Variants in USP17L2 observed in about 807,000 individuals in gnomAD.
USP17L2 encodes the protein ubiquitin specific peptidase 17 like family member 2.
In USP17L2, 29 loss-of-function variants were observed where a neutral mutation model predicts 39.8. The ratio of observed to expected loss-of-function variants is 0.73; its 90% confidence interval spans 0.54 to 0.99. USP17L2 has a LOEUF of 0.99. USP17L2 is among the 50% of genes least tolerant of loss of function. USP17L2 has a pLI of 0.00. For synonymous variants in USP17L2, 231 were observed against 252.7 expected, an observed-to-expected ratio of 0.91 and a Z score of 0.81; for missense variants, 567 against 647.2, an observed-to-expected ratio of 0.88 and a Z score of 1.35.
rs1445727855 is a variant in USP17L2 at position 12,137,763 on chromosome 8, C to T, written c.998G>A (p.Gly333Glu). The T allele has an allele frequency of 6.6e-7, 1 of 1,506,232 alleles. No individual in the cohort carries two copies. The highest frequency in any genetic ancestry group is 1.8e-5 in the Admixed American group (1 of 55,658). 93.3% of individuals were successfully genotyped at this position (1,506,232 alleles called of 1,614,324 possible). A position where few individuals can be genotyped will look rare whatever the true frequency, so the allele number is the denominator to read the frequency against. Residue 333 changes from glycine to glutamate, a missense_variant, in exon 1 of 1, where the codon GGA becomes GAA. Transcript: ENST00000333796. The stretch of plus-strand genomic sequence containing the variant: ...AGCTTTGACATAAGAGAAGTAATGT[C>T]CGTCGTGACAACTCCACCCAGCGTG... ...LVHAGWSCHD[G>E]HYFSYVKAQE...
chr8:12,137,240 A>G lies in USP17L2; in HGVS notation c.1521T>C (p.Ser507=), dbSNP rs202147143. Residue 507 remains serine (S), a synonymous_variant, in exon 1 of 1, where the codon TCT becomes TCC. Coordinates refer to ENST00000333796, the MANE Select transcript of USP17L2 (RefSeq NM_201402.3). ...QESVNTGTLA[S]LQGRTRRSKG... ...TGGATCTCCTGGTCCTCCCTTGCAG[A>G]GAAGCGAGGGTGCCAGTGTTCACGG... The G allele has an allele frequency of 6.5e-7, 1 of 1,530,118 alleles. No homozygotes were observed. The highest frequency in any genetic ancestry group is 8.8e-7 in the Non-Finnish European group (1 of 1,134,744). 94.8% of individuals were successfully genotyped at this position (1,530,118 alleles called of 1,614,324 possible).
Position 12,137,368 on chromosome 8 carries a change from C to T in USP17L2, c.1393G>A (p.Val465Met). The T allele has an allele frequency of 1.3e-6, 2 of 1,531,814 alleles. No individual in the cohort carries two copies. The highest frequency in any genetic ancestry group is 1.8e-6 in the Non-Finnish European group (2 of 1,135,324). 94.9% of individuals were successfully genotyped at this position (1,531,814 alleles called of 1,614,324 possible). ...CACTTGTATTTCGATTGATGAATCA[C>T]AAGTACGTTGGGAGGCAGGGTACCT... ...VEGTLPPNVL[V>M]IHQSKYKCGM... Residue 465 changes from valine (V) to methionine (M), a missense_variant, in exon 1 of 1, where the codon GTG (valine) becomes ATG (methionine). Physicochemically the swap from Val to Met is conservative, Grantham distance 21. Around this residue, in one of 6 missense-constraint regions of USP17L2, gnomAD observed 304 missense variants for 254.7 expected, o/e 1.19. Coordinates refer to ENST00000333796, the MANE Select transcript of USP17L2 (RefSeq NM_201402.3).
Position 12,136,515 on chromosome 8 carries a change from C to T in USP17L2, c.*653G>A, listed in dbSNP as rs577576866. ...AGTGGGAAAATTTTCCATTTCGACT[C>T]ATTGGAATTGGACATCGTGAAACAG... On this transcript the variant is annotated 3_prime_UTR_variant, in exon 1 of 1. Coordinates refer to ENST00000333796, the MANE Select transcript of USP17L2 (RefSeq NM_201402.3). Among the ~76,000 whole-genome samples the T allele has an allele frequency of 1.4e-5, 2 of 140,550 alleles. No homozygotes were observed. Among genetic ancestry groups the T allele is most frequent in the East Asian group, 2.3e-4 (1 of 4,294 alleles). 92.2% of individuals were successfully genotyped at this position (140,550 alleles called of 152,430 possible).
In USP17L2 at chr8:12,137,747, A is replaced by G. The variant is rs574299353; in HGVS notation, c.1014T>C (p.Tyr338=). The G allele has an allele frequency of 1.3e-6, 2 of 1,520,432 alleles. No individual in the cohort carries two copies. The highest frequency in any genetic ancestry group is 3.0e-5 in the African/African-American group (2 of 67,482). 94.2% of individuals were successfully genotyped at this position (1,520,432 alleles called of 1,614,324 possible). ...ACCACTGGCCTTCTTGAGCTTTGACATAAGAGAAGTAATGTCCGTCGTGAC... is the reference window on the plus strand; with the variant it reads ...ACCACTGGCCTTCTTGAGCTTTGACGTAAGAGAAGTAATGTCCGTCGTGAC... ...WSCHDGHYFS[Y]VKAQEGQWYK... Residue 338 remains tyrosine (Y), a synonymous_variant, in exon 1 of 1, where the codon TAT becomes TAC. Transcript: ENST00000333796.
At position 12,138,775 on chromosome 8, in the gene USP17L2, G is replaced by C. The variant is rs754065570; in HGVS notation, c.-15C>G. ...TCGTCCTCCATGTCGCCCGCAACAA[G>C]GATCACAAGGTTTTTCTGCTGGGAC... On this transcript the variant is annotated 5_prime_UTR_variant, in exon 1 of 1. Coordinates refer to ENST00000333796, the MANE Select transcript of USP17L2 (RefSeq NM_201402.3). The C allele has an allele frequency of 1.2e-4, 142 of 1,187,844 alleles. 25 individuals carry two copies. The South Asian group carries it at 1.8e-3, about 15-fold the overall frequency. The allele number at this position is 1,187,844 out of a possible 1,614,324, so 73.6% of individuals were successfully genotyped here. A position where few individuals can be genotyped will look rare whatever the true frequency, so the allele number is the denominator to read the frequency against.
rs200589902 is a variant in USP17L2, at chr8:12,137,494, G to A, written c.1267C>T (p.Arg423Cys). The change falls in exon 1 of 1, where the codon CGC becomes TGC. Residue 423 changes from arginine to cysteine, a missense_variant. Arg to Cys is a radical substitution (Grantham distance 180). Around this residue, in one of 6 missense-constraint regions of USP17L2, gnomAD observed 304 missense variants for 254.7 expected, o/e 1.19. Coordinates refer to ENST00000333796, the MANE Select transcript of USP17L2 (RefSeq NM_201402.3). The part of the protein sequence containing the change: ...PCLQAPELDE[R>C]LVERATQEST... ...TCCTGAGTGGCTCTTTCCACCAAGC[G>A]CTCGTCCAACTCGGGTGCCTGGAGG... 274 of 1,532,516 alleles carry A rather than the reference G, an allele frequency of 1.8e-4. 32 individuals are homozygous for A. The highest frequency in any genetic ancestry group is 5.2e-4 in the East Asian group (20 of 38,426). 94.9% of individuals were successfully genotyped at this position (1,532,516 alleles called of 1,614,324 possible).
At chr8:12,137,704 T>A in the USP17L2 span, 3 of 1,533,384 alleles carry the variant, frequency 2.0e-6, no homozygotes, top group Non-Finnish European at 2.6e-6. Context: ...GCAGTGACCT[T>A]GGCATCATCC....
In USP17L2 at chr8:12,137,270, C is replaced by T; in HGVS notation, c.1491G>A (p.Gln497=). The change falls in exon 1 of 1, where the codon CAG becomes CAA. Residue 497 remains glutamine, a synonymous_variant. Transcript: ENST00000333796. Reference sequence around the variant, plus strand: ...CGAGGGTGCCAGTGTTCACGGACTCCTGATCTGTCCGGGTCGTCGAAGAGA... The same window carrying T: ...CGAGGGTGCCAGTGTTCACGGACTCTTGATCTGTCCGGGTCGTCGAAGAGA... ...LNLSSTTRTD[Q]ESVNTGTLAS... 6.5e-7 allele frequency: 1 copy of T among 1,530,820 alleles called. No individual in the cohort carries two copies. The highest frequency in any genetic ancestry group is 8.8e-7 in the Non-Finnish European group (1 of 1,135,064). The allele number at this position is 1,530,820 out of a possible 1,614,324, so 94.8% of individuals were successfully genotyped here.
chr8:12,137,531 T>C lies in USP17L2; in HGVS notation c.1230A>G (p.Arg410=). The change falls in exon 1 of 1, where the codon AGA becomes AGG. Residue 410 remains arginine, a synonymous_variant. Coordinates refer to ENST00000333796, the MANE Select transcript of USP17L2 (RefSeq NM_201402.3). ...DRRATQGELK[R]DHPCLQAPEL... Reference sequence around the variant, plus strand: ...CGGGTGCCTGGAGGCAGGGGTGGTCTCTCTTGAGCTCTCCTTGCGTTGCTC... The same window carrying C: ...CGGGTGCCTGGAGGCAGGGGTGGTCCCTCTTGAGCTCTCCTTGCGTTGCTC... 5 of 1,533,044 alleles carry C rather than the reference T, an allele frequency of 3.3e-6. No individual in the cohort carries two copies. Among genetic ancestry groups the C allele is most frequent in the Non-Finnish European group, 4.4e-6 (5 of 1,135,096 alleles). The allele number at this position is 1,533,044 out of a possible 1,614,324, so 95.0% of individuals were successfully genotyped here. A position where few individuals can be genotyped will look rare whatever the true frequency, so the allele number is the denominator to read the frequency against.
the USP17L2 span, chr8:12,137,641 G>A: frequency 5.2e-6 from 8 of 1,525,178 alleles, 1 homozygote; most frequent in Non-Finnish European, 7.1e-6. Context: ...TCACTCTTCT[G>A]GATGTAAAAG....
At position 12,137,075 on chromosome 8, in the gene USP17L2, G is replaced by T; in HGVS notation, c.*93C>A. 7.4e-7 allele frequency: 1 copy of T among 1,349,992 alleles called. No homozygotes were observed. Among genetic ancestry groups the T allele is most frequent in the Non-Finnish European group, 1.0e-6 (1 of 976,012 alleles). 83.6% of individuals were successfully genotyped at this position (1,349,992 alleles called of 1,614,324 possible). A position where few individuals can be genotyped will look rare whatever the true frequency, so the allele number is the denominator to read the frequency against. On this transcript the variant is annotated 3_prime_UTR_variant, in exon 1 of 1. Transcript: ENST00000333796. The stretch of plus-strand genomic sequence containing the variant: ...GGATTGACGGTGTTCGTGTTTGTGT[G>T]TGTGTGTGTGTTTGCGTGCGCGCTT...
the USP17L2 span, chr8:12,138,660 CGCTGGATTTCAGCAAAA>C: frequency 6.6e-7 from 1 of 1,520,556 alleles, no homozygotes; most frequent in Non-Finnish European, 8.9e-7. Context: ...GAGAGAAGTC[CGCTGGATTTCAGCAAAA>C]GCTGCATCTG....
chr8:12,137,172 T>A lies in USP17L2; in HGVS notation c.1589A>T (p.Gln530Leu), dbSNP rs1468392305. Residue 530 changes from glutamine (Q) to leucine (L), a missense_variant, in exon 1 of 1, where the codon CAG (glutamine) becomes CTG (leucine). Physicochemically the swap from Gln to Leu is moderately radical, Grantham distance 113. Coordinates refer to ENST00000333796, the MANE Select transcript of USP17L2 (RefSeq NM_201402.3). ...GGGTCGGCACTTCCACTGAGATCAC[T>A]GGCACACAAGCAGAGCCCTCTTGCT... is the stretch of plus-strand genomic sequence containing the variant. ...KHSKRALLVC[Q>L] 1.3e-6 allele frequency: 2 copies of A among 1,530,618 alleles called. No homozygotes were observed. Among genetic ancestry groups the A allele is most frequent in the Non-Finnish European group, 1.8e-6 (2 of 1,135,158 alleles). 94.8% of individuals were successfully genotyped at this position (1,530,618 alleles called of 1,614,324 possible). A position where few individuals can be genotyped will look rare whatever the true frequency, so the allele number is the denominator to read the frequency against.
In USP17L2 at chr8:12,136,562, C is replaced by T. The variant is rs374098876; in HGVS notation, c.*606G>A. On this transcript the variant is annotated 3_prime_UTR_variant, in exon 1 of 1. Transcript: ENST00000333796. ...ACAGGCAAGTCGGTCTGTCTGTTTC[C>T]GGCGTTATGTGGGTTCCAGCAAGAG... 5.5e-4 allele frequency among the ~76,000 whole-genome samples: 77 copies of T among 140,448 alleles called. 10 individuals carry two copies. In the East Asian group the frequency reaches 6.8e-3, roughly 12 times the overall value. 92.1% of individuals were successfully genotyped at this position (140,448 alleles called of 152,430 possible).
rs748226288 is a variant in USP17L2, at chr8:12,137,697, G to T, written c.1064C>A (p.Thr355Asn). Residue 355 changes from threonine to asparagine, a missense_variant, in exon 1 of 1, where the codon ACT becomes AAT. By Grantham distance (65) the Thr-to-Asn change is moderately conservative. Coordinates refer to ENST00000333796, the MANE Select transcript of USP17L2 (RefSeq NM_201402.3). The stretch of plus-strand genomic sequence containing the variant: ...CAGGACAGAAGTGATGCTACAGGCA[G>T]TGACCTTGGCATCATCCATTTTATA... ...QWYKMDDAKV[T>N]ACSITSVLSQ... 4 of 1,533,860 alleles carry T rather than the reference G, an allele frequency of 2.6e-6. 1 individual carries two copies. The Admixed American group carries it at 7.2e-5, about 27-fold the overall frequency.
the USP17L2 span, chr8:12,138,380 AG>A: frequency 2.0e-6 from 3 of 1,482,636 alleles, no homozygotes; most frequent in African/African-American, 4.4e-5. Flanking sequence ...GAGCTTGCAT[AG>A]TACAGAGCAT....
In USP17L2 at chr8:12,138,634, G is replaced by A; in HGVS notation, c.127C>T (p.Leu43Phe). The change falls in exon 1 of 1, where the codon CTC becomes TTC. Residue 43 changes from leucine (L) to phenylalanine (F), a missense_variant. This residue lies in a region of USP17L2 where 120 missense variants were observed against 111.0 expected (regional missense o/e 1.08). Coordinates refer to ENST00000333796, the MANE Select transcript of USP17L2 (RefSeq NM_201402.3). ...QRTSLPEKSP[L>F]SSEARVDLCD... is the part of the protein sequence containing the mutation. The stretch of plus-strand genomic sequence containing the variant: ...AGGTCGACACGGGCCTCAGATGAGA[G>A]TGGTGACTTCTCAGGGAGAGAAGTC... 2 of 1,529,794 alleles carry A rather than the reference G, an allele frequency of 1.3e-6. No homozygotes were observed. The highest frequency in any genetic ancestry group is 1.8e-6 in the Non-Finnish European group (2 of 1,133,760). 94.8% of individuals were successfully genotyped at this position (1,529,794 alleles called of 1,614,324 possible).
At chr8:12,137,628 C>T in the USP17L2 span, 7 of 1,520,224 alleles carry the variant, frequency 4.6e-6, 1 homozygote, top group African/African-American at 5.9e-5. Context: ...GTGTCTTTCC[C>T]ATTCACTCTT....
chr8:12,138,045 T>C lies in USP17L2; in HGVS notation c.716A>G (p.Gln239Arg). Residue 239 changes from glutamine to arginine, a missense_variant, in exon 1 of 1, where the codon CAG (glutamine) becomes CGG (arginine). Coordinates refer to ENST00000333796, the MANE Select transcript of USP17L2 (RefSeq NM_201402.3). Reference protein sequence around the residue: ...AAQSVKQALEQLVKPEELNGE... With the variant: ...AAQSVKQALERLVKPEELNGE... ...ATTGAGTTCTTCGGGCTTCACCAACTGTTCCAAAGCTTGCTTGACACTCTG... is the reference window on the plus strand; with the variant it reads ...ATTGAGTTCTTCGGGCTTCACCAACCGTTCCAAAGCTTGCTTGACACTCTG... 1 of 1,364,474 alleles carries C rather than the reference T, an allele frequency of 7.3e-7. No homozygotes were observed. The allele number at this position is 1,364,474 out of a possible 1,614,324, so 84.5% of individuals were successfully genotyped here.
Sources: allele counts gnomAD v4.1 joint callset (sites outside exome capture counted in the v4.1 genomes callset), GRCh38; gene constraint gnomAD v4.1.1; regional missense constraint gnomAD v4.1.1; transcripts MANE v1.5; gene names NCBI Gene and HGNC (gene_info 2026-07-23, HGNC 2026-07-21).